FOXN3: variants seen among roughly 807,000 people sequenced by gnomAD.
FOXN3 encodes the protein forkhead box protein N3.
FOXN3 carries 7 observed loss-of-function variants against 38.4 expected under a neutral mutation model. The ratio of observed to expected loss-of-function variants is 0.18; its 90% CI spans 0.10 to 0.34. FOXN3 has a LOEUF of 0.34. FOXN3 is among the 10% of genes least tolerant of loss of function. The pLI is 1.00. For synonymous variants in FOXN3, 230 were observed against 242.2 expected, an observed-to-expected ratio of 0.95 and a Z score of 0.47; for missense variants, 456 against 613.4, an observed-to-expected ratio of 0.74 and a Z score of 2.71.
At chr14:89,489,182 A>G (rs1893518720) in intron 1 of FOXN3, among the ~76,000 whole-genome samples, 1 of 152,002 alleles carries the variant, frequency 6.6e-6, no homozygotes, top group Admixed American at 6.6e-5. Context: ...AAGGCACTAA[A>G]CCCCCTGAAC....
At chr14:89,434,222 T>C (rs1166757910) in intron 1 of FOXN3, among the ~76,000 whole-genome samples, 2 of 97,712 alleles carry the variant, frequency 2.0e-5, no homozygotes, top group Non-Finnish European at 4.3e-5. Flanking sequence ...TGCGCAAGCC[T>C]TTTTTTTTTT....
At chr14:89,260,016 G>C (rs774623670) in intron 4 of FOXN3, among the ~76,000 whole-genome samples, 2 of 152,178 alleles carry the variant, frequency 1.3e-5, no homozygotes, top group African/African-American at 2.4e-5. Context: ...TCAGTCTATG[G>C]GATTCTCTAC....
chr14:89,446,922 C>T (rs1337007424), intron 1 of FOXN3, among the ~76,000 whole-genome samples: 1 of 152,184 alleles, frequency 6.6e-6, no homozygotes, highest in Non-Finnish European at 1.5e-5. Context: ...CTGGGCCGGG[C>T]ACGGTGGCTC....
rs534970261 is a variant in FOXN3 at position 89,529,592 on chromosome 14, G to A, written c.-15+89436C>T. 3.3e-5 allele frequency among the ~76,000 whole-genome samples: 5 copies of A among 152,230 alleles called. No individual in the cohort carries two copies. In the South Asian group the frequency reaches 1.0e-3, roughly 32 times the overall value. ...GAAGCAGTGCCTAAGAATTTCAAATGTTTATCATCTAAATGATTTGAAATA... is the reference window on the plus strand; with the variant it reads ...GAAGCAGTGCCTAAGAATTTCAAATATTTATCATCTAAATGATTTGAAATA... On this transcript the variant is annotated intron_variant, in intron 1 of 6. Coordinates refer to the FOXN3 transcript ENST00000345097.
At chr14:89,196,603 TG>T (rs770287194) in intron 4 of FOXN3, among the ~76,000 whole-genome samples, 3 of 152,126 alleles carry the variant, frequency 2.0e-5, no homozygotes, top group Non-Finnish European at 2.9e-5. Flanking sequence ...ACCTACCAAA[TG>T]GGGCATCTAC....
chr14:89,566,418 C>T (rs1895352121), intron 1 of FOXN3, among the ~76,000 whole-genome samples: 1 of 151,266 alleles, frequency 6.6e-6, no homozygotes, highest in African/African-American at 2.5e-5. Context: ...GATTTCTTTA[C>T]TTTCCTACAG....
chr14:89,305,225 G>A (rs1019976650), intron 3 of FOXN3, among the ~76,000 whole-genome samples: 4 of 152,122 alleles, frequency 2.6e-5, no homozygotes, highest in East Asian at 1.9e-4. Flanking sequence ...GTGAACTCGC[G>A]GCTCCTGCTT....
chr14:89,402,800 C>T (rs551746649), intron 2 of FOXN3, among the ~76,000 whole-genome samples: 9 of 152,350 alleles, frequency 5.9e-5, no homozygotes, highest in Non-Finnish European at 1.2e-4. Flanking sequence ...TGTCTAGCTC[C>T]TCAAGACTTC....
intron 4 of FOXN3, among the ~76,000 whole-genome samples, chr14:89,256,546 T>C (rs1885627035): frequency 6.6e-6 from 1 of 152,204 alleles, no homozygotes; most frequent in South Asian, 2.1e-4. Flanking sequence ...CATCACGCTA[T>C]TGCTGTCCCG....
rs948239448 is a variant in FOXN3, at chr14:89,497,923, G to T, written c.-14-85433C>A. Among the ~76,000 whole-genome samples, 116 of 150,930 alleles carry T rather than the reference G, an allele frequency of 7.7e-4. 1 individual carries two copies. The highest frequency in any genetic ancestry group is 3.4e-3 in the Middle Eastern group (1 of 290). ...TTGTTATTTCCTGTTTGTTTGTTTG[G>T]TTTTTTTTTGAAATGTTAGCCATCC... On this transcript the variant is annotated intron_variant, in intron 1 of 6. Coordinates refer to the FOXN3 transcript ENST00000345097.
At chr14:89,438,057 A>G (rs969660665) in intron 1 of FOXN3, among the ~76,000 whole-genome samples, 2 of 152,278 alleles carry the variant, frequency 1.3e-5, no homozygotes. Flanking sequence ...AGATTTAACT[A>G]AGATTATATT....
intron 1 of FOXN3, among the ~76,000 whole-genome samples, chr14:89,508,327 C>T (rs1893991475): frequency 1.3e-5 from 2 of 152,164 alleles, no homozygotes; most frequent in Non-Finnish European, 2.9e-5. Context: ...GAAGGCAGCA[C>T]CGTTCCCTGT....
chr14:89,381,513 CAA>C (rs1215216593), intron 2 of FOXN3, among the ~76,000 whole-genome samples: 1 of 45,388 alleles, frequency 2.2e-5, no homozygotes, highest in African/African-American at 6.4e-5. Flanking sequence ...ACCTGCAGCC[CAA>C]AAAAAGCCTC....
intron 1 of FOXN3, among the ~76,000 whole-genome samples, chr14:89,473,682 G>GA (rs1158663811): frequency 6.6e-6 from 1 of 152,140 alleles, no homozygotes; most frequent in Non-Finnish European, 1.5e-5. Context: ...CGACACTCTT[G>GA]ACCAACAGCT....
intron 4 of FOXN3, among the ~76,000 whole-genome samples, chr14:89,195,316 T>C (rs1043113565): frequency 6.6e-6 from 1 of 152,136 alleles, no homozygotes; most frequent in African/African-American, 2.4e-5. Context: ...TTACTCCCAC[T>C]CTCTACCTTA....
At chr14:89,592,775 A>G (rs138428276) in intron 1 of FOXN3, among the ~76,000 whole-genome samples, 3 of 152,310 alleles carry the variant, frequency 2.0e-5, no homozygotes, top group African/African-American at 7.2e-5. Context: ...AAACCAAAAG[A>G]GAAGAGAACA....
chr14:89,288,706 CTCTCTCTCTCTCTCTCTCTATATA>C (rs1886738246), intron 3 of FOXN3, among the ~76,000 whole-genome samples: 17 of 87,708 alleles, frequency 1.9e-4, no homozygotes, highest in African/African-American at 6.4e-4. Context: ...CTCTCTCTCT[CTCTCTCTCTCTCTCTCTCTATATA>C]TATATATATA....
At chr14:89,534,956 T>A (rs1894653312) in intron 1 of FOXN3, among the ~76,000 whole-genome samples, 1 of 152,256 alleles carries the variant, frequency 6.6e-6, no homozygotes, top group Non-Finnish European at 1.5e-5. Context: ...CTAAAACAGC[T>A]GCTTCAATTG....
At chr14:89,514,818 T>C (rs1894169856) in intron 1 of FOXN3, among the ~76,000 whole-genome samples, 1 of 152,162 alleles carries the variant, frequency 6.6e-6, no homozygotes, top group African/African-American at 2.4e-5. Flanking sequence ...CGCACTGTCC[T>C]GAAAAGAAGA....
Sources: gnomAD v4.1 joint callset for allele counts (sites outside exome capture counted in the v4.1 genomes callset) on GRCh38, gnomAD v4.1.1 for gene constraint, MANE v1.5 for transcripts, NCBI Gene and HGNC (gene_info 2026-07-23, HGNC 2026-07-21) for gene names.